The following NEDD4 variants were observed in gnomAD, a reference collection of about 807,000 sequenced individuals.
The protein encoded by NEDD4 is E3 ubiquitin-protein ligase NEDD4.
Under a neutral mutation model 144.9 loss-of-function variants are expected in NEDD4, and 99 were observed. The ratio of observed to expected loss-of-function variants is 0.68; its 90% confidence interval spans 0.58 to 0.81. NEDD4 has a LOEUF of 0.81. NEDD4 is among the 30% of genes least tolerant of loss of function. The pLI, the probability that NEDD4 is intolerant of heterozygous loss-of-function variation, is 0.00. For synonymous variants in NEDD4, 318 were observed against 350.6 expected (o/e 0.91, Z 1.04); for missense variants, 985 against 1,065.9 (o/e 0.92, Z 1.06).
At chr15:55,979,279 T>G (rs1245904526) in intron 1 of NEDD4, among the ~76,000 whole-genome samples, 1 of 151,066 alleles carries the variant, frequency 6.6e-6, no homozygotes, top group African/African-American at 2.4e-5. Context: ...ACAGAAAGAT[T>G]AGAAGGAAAT....
intron 1 of NEDD4, among the ~76,000 whole-genome samples, chr15:55,976,629 T>A (rs1297713984): frequency 2.6e-5 from 3 of 113,754 alleles, no homozygotes; most frequent in African/African-American, 9.2e-5. Context: ...GGGCAAAAAT[T>A]TTTTTTTTTT....
intron 2 of NEDD4, among the ~76,000 whole-genome samples, chr15:55,960,201 T>A (rs2037403222): frequency 6.6e-6 from 1 of 152,206 alleles, no homozygotes; most frequent in Non-Finnish European, 1.5e-5. Flanking sequence ...GTCAACTTCA[T>A]TAGACTGAAG....
At chr15:55,962,515 C>T (rs1275627246) in intron 2 of NEDD4, among the ~76,000 whole-genome samples, 1 of 152,208 alleles carries the variant, frequency 6.6e-6, no homozygotes, top group Non-Finnish European at 1.5e-5. Context: ...ATAATCTTGG[C>T]TCACTGCAAC....
rs1595880616 is a variant in NEDD4 at position 55,967,059 on chromosome 15, C to T, written c.46-513G>A. Among the ~76,000 whole-genome samples the T allele has an allele frequency of 3.3e-5, 5 of 150,260 alleles. No homozygotes were observed. In the Admixed American group the frequency reaches 3.3e-4, roughly 10 times the overall value. ...GCGCCACCATGCCCAGATAATTTTTCTATTTTTAGTAGAGACAGGGTTTCA... is the reference window on the plus strand; with the variant it reads ...GCGCCACCATGCCCAGATAATTTTTTTATTTTTAGTAGAGACAGGGTTTCA... On this transcript the variant is annotated intron_variant, in intron 1 of 28. Transcript: ENST00000435532.
intron 5 of NEDD4, among the ~76,000 whole-genome samples, chr15:55,902,500 GA>G (rs1421997011): frequency 6.6e-6 from 1 of 151,974 alleles, no homozygotes; most frequent in Non-Finnish European, 1.5e-5. Context: ...AAAGATTCTA[GA>G]AAAAAGGAGA....
At chr15:55,872,642 G>T (rs1304795908) in intron 6 of NEDD4, among the ~76,000 whole-genome samples, 166 bp from the exon 7 acceptor site, 4 of 152,194 alleles carry the variant, frequency 2.6e-5, no homozygotes, top group Non-Finnish European at 5.9e-5. Flanking sequence ...TCACTTTCCT[G>T]CCCAAGAGGA....
chr15:55,834,897 C>T (rs1166451380), intron 24 of NEDD4, among the ~76,000 whole-genome samples: 1 of 152,172 alleles, frequency 6.6e-6, no homozygotes, highest in African/African-American at 2.4e-5. Flanking sequence ...CAACCATCAC[C>T]AACACCCATC....
intron 5 of NEDD4, among the ~76,000 whole-genome samples, chr15:55,895,771 C>G (rs1482899100): frequency 6.6e-6 from 1 of 152,134 alleles, no homozygotes; most frequent in Non-Finnish European, 1.5e-5. Flanking sequence ...GAGGAGTGAG[C>G]AATGATTGTT....
intron 14 of NEDD4, among the ~76,000 whole-genome samples, chr15:55,849,635 A>G (rs1440629017): frequency 6.6e-6 from 1 of 151,934 alleles, no homozygotes; most frequent in African/African-American, 2.4e-5. Context: ...GCCAATTCAG[A>G]ATGTTAAAAA....
intron 1 of NEDD4, 107 bp downstream of exon 1, chr15:55,993,404 G>C (rs553772861): frequency 9.3e-6 from 13 of 1,393,114 alleles, no homozygotes; most frequent in Non-Finnish European, 1.3e-5. Flanking sequence ...GAGGGAGGAG[G>C]GGCTGACAGC....
At chr15:55,878,946 G>A (rs879768342) in intron 5 of NEDD4, among the ~76,000 whole-genome samples, 1 of 152,060 alleles carries the variant, frequency 6.6e-6, no homozygotes, top group African/African-American at 2.4e-5. Context: ...CCTCAGCCTC[G>A]CAAGTAGCTG....
chr15:55,889,708 TG>T lies in NEDD4; in HGVS notation c.292-15701del, dbSNP rs2035505021. ...TTTAGTGTTTTGTTTTGTTTTGTTT[TG>T]TTTTTTTTGGAGACAGAGTCTTGCT... On this transcript the variant is annotated intron_variant, in intron 5 of 28. Coordinates refer to ENST00000435532, the MANE Select transcript of NEDD4 (RefSeq NM_006154.4). 2.6e-5 allele frequency among the ~76,000 whole-genome samples: 4 copies of T among 151,436 alleles called. No individual in the cohort carries two copies. The South Asian group carries it at 6.2e-4, about 24-fold the overall frequency.
chr15:55,980,986 TAAAAACAAAATATTCAACAAAAAA>T (rs1262884140), intron 1 of NEDD4, among the ~76,000 whole-genome samples: 1 of 149,996 alleles, frequency 6.7e-6, no homozygotes. Flanking sequence ...GGTAATAAGG[TAAAAACAAAATATTCAACAAAAAA>T]AAATTGCTAG....
chr15:55,971,836 G>A (rs1232282702), intron 1 of NEDD4, among the ~76,000 whole-genome samples: 2 of 152,016 alleles, frequency 1.3e-5, no homozygotes, highest in African/African-American at 4.8e-5. Context: ...AAAGGCCAGA[G>A]ATAAAGAATG....
chr15:55,885,974 T>C (rs886252248), intron 5 of NEDD4, among the ~76,000 whole-genome samples: 8 of 151,056 alleles, frequency 5.3e-5, no homozygotes, highest in African/African-American at 1.9e-4. Flanking sequence ...ATTTCACCTA[T>C]AAAGACATAA....
At chr15:55,986,580 C>CTTTTTTTTTTTTT (rs58470215) in intron 1 of NEDD4, among the ~76,000 whole-genome samples, 8 of 76,432 alleles carry the variant, frequency 1.0e-4, no homozygotes, top group African/African-American at 4.2e-4. Context: ...CCTGTCCTTG[C>CTTTTTTTTTTTTT]TTTTTTTTTT....
intron 4 of NEDD4, 47 bp downstream of exon 4, chr15:55,951,328 GA>G: frequency 2.6e-6 from 2 of 768,542 alleles, no homozygotes; most frequent in Non-Finnish European, 4.1e-6. Context: ...AACCTCCTAA[GA>G]AAAAAACTTA....
chr15:55,875,733 C>T (rs1763768227), intron 5 of NEDD4, among the ~76,000 whole-genome samples: 1 of 151,956 alleles, frequency 6.6e-6, no homozygotes, highest in Non-Finnish European at 1.5e-5. Context: ...GATATAGAGA[C>T]AGAATTTATC....
At chr15:55,989,600 T>C (rs1317221981) in intron 1 of NEDD4, among the ~76,000 whole-genome samples, 2 of 152,242 alleles carry the variant, frequency 1.3e-5, no homozygotes, top group African/African-American at 2.4e-5. Flanking sequence ...TATTATTCTG[T>C]ATGTGCAAAC....
Sources: allele counts gnomAD v4.1 joint callset (sites outside exome capture counted in the v4.1 genomes callset), GRCh38; gene constraint gnomAD v4.1.1; transcripts MANE v1.5; gene names NCBI Gene and HGNC (gene_info 2026-07-23, HGNC 2026-07-21).